Variants in KSR1 observed in about 807,000 individuals in gnomAD.
The protein encoded by KSR1 is kinase suppressor of ras.
A neutral mutation model predicts 92.9 loss-of-function variants in KSR1; 35 were observed. The observed-to-expected ratio is 0.38, with a 90% CI of 0.29 to 0.50. The LOEUF is 0.50. Ranked by LOEUF, KSR1 falls within the 20% of genes least tolerant of loss-of-function variation. The pLI, the probability that KSR1 is intolerant of heterozygous loss-of-function variation, is 0.94. For synonymous variants in KSR1, 467 were observed against 472.6 expected (o/e 0.99, Z 0.15); for missense variants, 972 against 1,158.5 (o/e 0.84, Z 2.34).
intron 1 of KSR1, among the ~76,000 whole-genome samples, chr17:27,478,912 A>G (rs888653659): frequency 1.3e-5 from 2 of 151,906 alleles, no homozygotes; most frequent in African/African-American, 4.8e-5. Flanking sequence ...TGGCGGGTGG[A>G]CTTCCATCCA....
chr17:27,565,489 A>G (rs965499964), intron 2 of KSR1, among the ~76,000 whole-genome samples: 4 of 152,244 alleles, frequency 2.6e-5, no homozygotes, highest in African/African-American at 9.6e-5. Flanking sequence ...CATTGGCACA[A>G]TCTTGGCTCA....
chr17:27,458,367 C>T (rs1407117728), intron 1 of KSR1, among the ~76,000 whole-genome samples: 7 of 152,084 alleles, frequency 4.6e-5, no homozygotes, highest in African/African-American at 1.4e-4. Context: ...GCAGAGTGTG[C>T]GTGGTTGGAC....
rs1567846369 is a variant in KSR1, at chr17:27,577,804, G to A, written c.520+165G>A. On this transcript the variant is annotated intron_variant, in intron 3 of 20. Coordinates refer to ENST00000644974, the MANE Select transcript of KSR1 (RefSeq NM_001394583.1). This position sits in a 1 kb window ranked among gnomAD's most constrained non-coding sequence, Gnocchi z 4.5. ...ACAGCCTCCTGAGAAGCTCTCCCAG[G>A]GTCCTCAGGGCTCTGGATCCTGGTG... 1 of 713,702 alleles carries A rather than the reference G, an allele frequency of 1.4e-6. No homozygotes were observed. The highest frequency in any genetic ancestry group is 2.5e-6 in the Non-Finnish European group (1 of 396,188). 44.2% of individuals were successfully genotyped at this position (713,702 alleles called of 1,614,324 possible).
intron 1 of KSR1, among the ~76,000 whole-genome samples, chr17:27,509,497 G>C (rs1032701595): frequency 6.6e-6 from 1 of 151,752 alleles, no homozygotes; most frequent in Admixed American, 6.6e-5. Flanking sequence ...CACCATGTTA[G>C]TCAGGATGGT....
chr17:27,518,365 A>G (rs370026783), intron 1 of KSR1, among the ~76,000 whole-genome samples: 4 of 152,172 alleles, frequency 2.6e-5, no homozygotes, highest in East Asian at 1.9e-4. Flanking sequence ...AATTTGGCGA[A>G]CCTTAATATT....
At chr17:27,500,328 T>C (rs751255628) in intron 1 of KSR1, among the ~76,000 whole-genome samples, 1 of 152,200 alleles carries the variant, frequency 6.6e-6, no homozygotes, top group Admixed American at 6.5e-5. Flanking sequence ...TTAGAAGTGA[T>C]GTTCCCAAGG....
chr17:27,593,693 C>G (rs987820836), intron 9 of KSR1, among the ~76,000 whole-genome samples: 10 of 152,224 alleles, frequency 6.6e-5, no homozygotes, highest in African/African-American at 2.4e-4. Context: ...GTGGTAGCTT[C>G]TCACCCAGAA....
At chr17:27,588,420 C>A in intron 5 of KSR1, 55 bp from the exon 6 acceptor site, 2 of 1,498,986 alleles carry the variant, frequency 1.3e-6, no homozygotes, top group Non-Finnish European at 1.8e-6. Flanking sequence ...GTCATGGGCA[C>A]GAGCTGTCGC....
chr17:27,510,953 A>T (rs1252920057), intron 1 of KSR1, among the ~76,000 whole-genome samples: 1 of 152,122 alleles, frequency 6.6e-6, no homozygotes, highest in African/African-American at 2.4e-5. Context: ...TGATTCTCAC[A>T]ACTGTCTTGA....
chr17:27,501,866 A>T (rs1377821238), intron 1 of KSR1, among the ~76,000 whole-genome samples: 4 of 152,258 alleles, frequency 2.6e-5, no homozygotes, highest in Admixed American at 2.0e-4. Context: ...CATTGTCGTT[A>T]GTTCTCATAA....
intron 11 of KSR1, among the ~76,000 whole-genome samples, chr17:27,603,580 C>T: frequency 6.6e-6 from 1 of 151,802 alleles, no homozygotes; most frequent in African/African-American, 2.4e-5. Flanking sequence ...GCCCAGATCC[C>T]CTGCCCAGAG....
chr17:27,592,206 A>G (rs1263777445), intron 7 of KSR1, among the ~76,000 whole-genome samples, 155 bp from the exon 8 acceptor site: 1 of 152,138 alleles, frequency 6.6e-6, no homozygotes, highest in African/African-American at 2.4e-5. Context: ...TGCTATTACT[A>G]TTAATATCAT....
intron 19 of KSR1, 147 bp from the exon 20 acceptor site, chr17:27,621,046 G>T: frequency 5.1e-6 from 2 of 393,692 alleles, no homozygotes; most frequent in Middle Eastern, 6.4e-4. Flanking sequence ...TTTTATTTTC[G>T]GGGGGTGGCG....
chr17:27,563,178 A>G (rs1279056822), intron 2 of KSR1, among the ~76,000 whole-genome samples: 4 of 151,982 alleles, frequency 2.6e-5, no homozygotes, highest in African/African-American at 9.7e-5. Context: ...TACCCTCTTG[A>G]TTTCATTCTT....
At chr17:27,576,829 A>G (rs1441458387) in intron 2 of KSR1, among the ~76,000 whole-genome samples, 1 of 152,216 alleles carries the variant, frequency 6.6e-6, no homozygotes, top group Non-Finnish European at 1.5e-5. Flanking sequence ...AGACTTCTGT[A>G]ATGTAACAAG....
intron 20 of KSR1, chr17:27,623,101 C>T (rs957645372): frequency 2.4e-5 from 14 of 594,784 alleles, no homozygotes; most frequent in Non-Finnish European, 2.7e-5. Context: ...AATGAGCCAC[C>T]GTTGCTGCTC....
intron 1 of KSR1, among the ~76,000 whole-genome samples, chr17:27,510,949 T>C (rs1415732760): frequency 6.6e-6 from 1 of 152,182 alleles, no homozygotes; most frequent in Non-Finnish European, 1.5e-5. Flanking sequence ...TCCTTGATTC[T>C]CACAACTGTC....
chr17:27,584,005 C>T (rs1469943012), intron 4 of KSR1: 3 of 979,874 alleles, frequency 3.1e-6, no homozygotes, highest in Non-Finnish European at 3.6e-6. Flanking sequence ...CATATTATTT[C>T]GTTGTATAGT....
intron 2 of KSR1, among the ~76,000 whole-genome samples, chr17:27,562,007 G>A (rs552695848): frequency 3.5e-4 from 53 of 152,202 alleles, no homozygotes; most frequent in African/African-American, 1.2e-3. Flanking sequence ...CACCACACCC[G>A]GCTAATTTTT....
Sources: allele counts gnomAD v4.1 joint callset (sites outside exome capture counted in the v4.1 genomes callset), GRCh38; gene constraint gnomAD v4.1.1; non-coding constraint Gnocchi (gnomAD v3.1); transcripts MANE v1.5; gene names NCBI Gene and HGNC (gene_info 2026-07-23, HGNC 2026-07-21).